Variants in WIPF1 observed in about 807,000 individuals in gnomAD.
WIPF1 encodes the protein WAS/WASL-interacting protein family member 1.
Under a neutral mutation model 35.4 loss-of-function variants are expected in WIPF1, and 13 were observed. The observed-to-expected ratio is 0.37, with a 90% CI of 0.24 to 0.58. The LOEUF is 0.58. Among genes scored for constraint, WIPF1 ranks in the 20% least tolerant of loss-of-function variants. WIPF1 has a pLI of 0.74. For synonymous variants in WIPF1, 267 were observed against 266.3 expected, an observed-to-expected ratio of 1.00 and a Z score of -0.02; for missense variants, 591 against 667.0, an observed-to-expected ratio of 0.89 and a Z score of 1.25.
At position 174,562,055 on chromosome 2, in the gene WIPF1, C is replaced by T. The variant is rs1212380234; in HGVS notation, c.*492G>A. ...GCTCTGTCCTAGAGCCAAGCTCGGA[C>T]TGCCAAAGATTGGACATCCTGTGAC... On this transcript the variant is annotated 3_prime_UTR_variant, in exon 8 of 8. Coordinates refer to ENST00000679041, the MANE Select transcript of WIPF1 (RefSeq NM_001375834.1). 3.7e-5 allele frequency: 58 copies of T among 1,550,344 alleles called. No individual in the cohort carries two copies. The East Asian group carries it at 1.2e-3, about 33-fold the overall frequency.
chr2:174,609,416 T>C (rs1004363431), intron 1 of WIPF1, among the ~76,000 whole-genome samples: 1 of 152,158 alleles, frequency 6.6e-6, no homozygotes, highest in Non-Finnish European at 1.5e-5. Context: ...CTTTGGAAAA[T>C]CATGAGCCCA....
intron 1 of WIPF1, among the ~76,000 whole-genome samples, chr2:174,604,417 G>A (rs1686095009): frequency 6.6e-6 from 1 of 152,152 alleles, no homozygotes; most frequent in Admixed American, 6.5e-5. Flanking sequence ...TCAATGCTGT[G>A]CTGATGCATT....
rs1356423051 is a variant in WIPF1 at position 174,559,762 on chromosome 2, T to G, written c.*2785A>C. The G allele has an allele frequency of 1.3e-5, 2 of 152,604 alleles. No individual in the cohort carries two copies. Among genetic ancestry groups the G allele is most frequent in the Non-Finnish European group, 2.9e-5 (2 of 68,026 alleles). 9.5% of individuals were successfully genotyped at this position (152,604 alleles called of 1,614,324 possible). A position where few individuals can be genotyped will look rare whatever the true frequency, so the allele number is the denominator to read the frequency against. ...GACTATAAGGAGGGAAAAATTAATTTCATGCCAACATTTTTGGGGAACTTT... is the reference window on the plus strand; with the variant it reads ...GACTATAAGGAGGGAAAAATTAATTGCATGCCAACATTTTTGGGGAACTTT... On this transcript the variant is annotated 3_prime_UTR_variant, in exon 8 of 8. Coordinates refer to ENST00000679041, the MANE Select transcript of WIPF1 (RefSeq NM_001375834.1).
intron 1 of WIPF1, among the ~76,000 whole-genome samples, chr2:174,595,109 A>ATATATATATATATATAT (rs1553529786): frequency 1.7e-5 from 1 of 57,738 alleles, no homozygotes; most frequent in Non-Finnish European, 2.8e-5. Flanking sequence ...AAAAAAAAAA[A>ATATATATATATATATAT]ATATATATAT....
intron 1 of WIPF1, among the ~76,000 whole-genome samples, chr2:174,604,830 T>A (rs547308074): frequency 6.6e-6 from 1 of 152,328 alleles, no homozygotes; most frequent in South Asian, 2.1e-4. Context: ...CTGGACTGTG[T>A]CTTTTGGGAT....
chr2:174,644,996 A>G (rs1476935043), intron 1 of WIPF1, among the ~76,000 whole-genome samples: 1 of 152,226 alleles, frequency 6.6e-6, no homozygotes, highest in African/African-American at 2.4e-5. Context: ...TAACACTAAA[A>G]TTCCTTATTT....
chr2:174,647,399 A>G (rs1433891583), intron 1 of WIPF1, among the ~76,000 whole-genome samples: 1 of 150,564 alleles, frequency 6.6e-6, no homozygotes, highest in Non-Finnish European at 1.5e-5. Context: ...TCCGAGACTG[A>G]GTCTTGCTCT....
chr2:174,658,905 G>A (rs1467511293), intron 1 of WIPF1, among the ~76,000 whole-genome samples: 3 of 151,928 alleles, frequency 2.0e-5, no homozygotes, highest in Non-Finnish European at 2.9e-5. Context: ...AGACATGAAT[G>A]TGAATTGCAG....
chr2:174,571,519 C>T lies in WIPF1; in HGVS notation c.1129+157G>A. 4.0e-6 allele frequency: 4 copies of T among 999,512 alleles called. No individual in the cohort carries two copies. In the South Asian group the frequency reaches 5.3e-5, roughly 13 times the overall value. 61.9% of individuals were successfully genotyped at this position (999,512 alleles called of 1,614,324 possible). On this transcript the variant is annotated intron_variant, in intron 5 of 7. Transcript: ENST00000679041. The surrounding 1 kb of genome is among the most constrained non-coding windows in gnomAD (Gnocchi z 4.6). ...GTCCCACTTTCCCCCGGGGTTTACA[C>T]GAGGTCACGATCACACGTGTCGTGT...
chr2:174,563,027 G>A (rs6707486), intron 7 of WIPF1, among the ~76,000 whole-genome samples: 147,269 of 152,286 alleles, frequency 0.97, 71,377 homozygotes, highest in Non-Finnish European at 1. Flanking sequence ...AACATCTTTC[G>A]AAGGCATTAC....
intron 4 of WIPF1, 58 bp from the exon 5 acceptor site, chr2:174,572,504 G>A (rs1559147602): frequency 2.0e-5 from 32 of 1,605,006 alleles, no homozygotes; most frequent in Middle Eastern, 1.7e-4. Flanking sequence ...AGAAATCAGA[G>A]AGCTAGAGTC....
intron 1 of WIPF1, among the ~76,000 whole-genome samples, chr2:174,637,988 T>G (rs921089469): frequency 2.0e-5 from 3 of 152,246 alleles, no homozygotes; most frequent in African/African-American, 7.2e-5. Context: ...ACCTTATAGT[T>G]GATAGTTTTC....
intron 1 of WIPF1, among the ~76,000 whole-genome samples, chr2:174,603,680 C>A (rs530991363): frequency 6.6e-6 from 1 of 152,182 alleles, no homozygotes; most frequent in Non-Finnish European, 1.5e-5. Flanking sequence ...GGAAAAAATA[C>A]GGCTTTGTTA....
intron 1 of WIPF1, among the ~76,000 whole-genome samples, chr2:174,672,265 G>C (rs974248471): frequency 2.6e-5 from 4 of 152,216 alleles, no homozygotes. Flanking sequence ...GAATATAAAT[G>C]ATGTGTGCTT....
At chr2:174,635,430 A>T (rs114522634) in intron 1 of WIPF1, among the ~76,000 whole-genome samples, 2 of 152,002 alleles carry the variant, frequency 1.3e-5, no homozygotes, top group Non-Finnish European at 2.9e-5. Flanking sequence ...TGCCCTGTAC[A>T]GCTAGAGAGG....
chr2:174,640,362 G>A (rs1320492336), intron 1 of WIPF1, among the ~76,000 whole-genome samples: 1 of 80,936 alleles, frequency 1.2e-5, no homozygotes, highest in African/African-American at 4.8e-5. Context: ...GGTGGGGGGA[G>A]GGGGGAGGGA....
At chr2:174,565,257 T>C (rs970088997) in intron 7 of WIPF1, among the ~76,000 whole-genome samples, 6 of 152,318 alleles carry the variant, frequency 3.9e-5, no homozygotes, top group African/African-American at 1.4e-4. Flanking sequence ...TACTTCTTCA[T>C]TAGGTATTGT....
At chr2:174,588,665 C>A (rs777195415) in intron 1 of WIPF1, among the ~76,000 whole-genome samples, 1 of 152,216 alleles carries the variant, frequency 6.6e-6, no homozygotes, top group Non-Finnish European at 1.5e-5. Flanking sequence ...GAAATGGCAA[C>A]AGTCATGGCT....
At chr2:174,678,539 G>A (rs974139337) in intron 1 of WIPF1, among the ~76,000 whole-genome samples, 13 of 152,226 alleles carry the variant, frequency 8.5e-5, no homozygotes, top group African/African-American at 2.4e-4. Flanking sequence ...ACCCCATGGC[G>A]TGGGTGCTGT....
Sources: allele counts gnomAD v4.1 joint callset (sites outside exome capture counted in the v4.1 genomes callset), GRCh38; gene constraint gnomAD v4.1.1; non-coding constraint Gnocchi (gnomAD v3.1); transcripts MANE v1.5; gene names NCBI Gene and HGNC (gene_info 2026-07-23, HGNC 2026-07-21).